The following SGCZ variants were observed in gnomAD, a reference collection of about 807,000 sequenced individuals.
The protein encoded by SGCZ is zeta-sarcoglycan.
Under a neutral mutation model 41.3 loss-of-function variants are expected in SGCZ, and 40 were observed. The ratio of observed to expected loss-of-function variants is 0.97; its 90% CI spans 0.75 to 1.26. The LOEUF is 1.26. Among genes scored for constraint, SGCZ ranks in the 50% most tolerant of loss-of-function variants. The probability of loss-of-function intolerance (pLI) is 0.00; values close to 1 mark genes in which losing one functional copy is unlikely to be tolerated. For synonymous variants in SGCZ, 206 were observed against 137.5 expected (o/e 1.50, Z -3.49); for missense variants, 552 against 369.8 (o/e 1.49, Z -4.04).
intron 2 of SGCZ, among the ~76,000 whole-genome samples, chr8:14,524,132 A>C (rs937964169): frequency 2.6e-5 from 4 of 151,982 alleles, no homozygotes; most frequent in Admixed American, 6.6e-5. Context: ...TTGAATATTC[A>C]TAACATGAGT....
chr8:14,466,295 C>T (rs1382085928), intron 2 of SGCZ, among the ~76,000 whole-genome samples: 1 of 151,910 alleles, frequency 6.6e-6, no homozygotes, highest in African/African-American at 2.4e-5. Context: ...TATATCTGCT[C>T]AATGCGTTGT....
intron 2 of SGCZ, among the ~76,000 whole-genome samples, chr8:14,341,974 G>A (rs1802726685): frequency 1.3e-5 from 2 of 152,154 alleles, no homozygotes; most frequent in African/African-American, 4.8e-5. Context: ...ATGTGGTGTT[G>A]TTGAAAAGAT....
At chr8:14,105,938 TAAAA>T (rs1802189379) in intron 6 of SGCZ, among the ~76,000 whole-genome samples, 5 of 152,160 alleles carry the variant, frequency 3.3e-5, no homozygotes, top group Admixed American at 2.0e-4. Flanking sequence ...TAAGTAAATT[TAAAA>T]ATACTTCTAT....
intron 1 of SGCZ, among the ~76,000 whole-genome samples, chr8:15,020,216 T>A (rs1267262593): frequency 1.3e-5 from 2 of 152,088 alleles, no homozygotes; most frequent in Admixed American, 1.3e-4. Flanking sequence ...TTCTTATAGA[T>A]CAGTCATCAG....
chr8:14,563,880 A>C (rs1329084132), intron 1 of SGCZ, among the ~76,000 whole-genome samples: 1 of 152,180 alleles, frequency 6.6e-6, no homozygotes, highest in East Asian at 1.9e-4. Flanking sequence ...AATTGATATA[A>C]TTTTTTAAAA....
intron 1 of SGCZ, among the ~76,000 whole-genome samples, chr8:14,666,676 A>G (rs1023762677): frequency 2.4e-5 from 3 of 122,750 alleles, no homozygotes; most frequent in Admixed American, 1.8e-4. Flanking sequence ...TCTTGTTGGT[A>G]GAATTTGCAA....
intron 2 of SGCZ, among the ~76,000 whole-genome samples, chr8:14,448,458 G>GGCTT (rs1800498125): frequency 6.6e-6 from 1 of 152,212 alleles, no homozygotes; most frequent in Admixed American, 6.5e-5. Flanking sequence ...TATGCATTTT[G>GGCTT]GCTTTGCAGA....
chr8:14,299,288 G>T (rs1044624741), intron 3 of SGCZ, among the ~76,000 whole-genome samples: 3 of 151,862 alleles, frequency 2.0e-5, no homozygotes, highest in Admixed American at 2.0e-4. Context: ...AACACAGAAA[G>T]CACTGTCTAT....
At chr8:14,105,324 CTA>C (rs1802170514) in intron 6 of SGCZ, among the ~76,000 whole-genome samples, 1 of 152,026 alleles carries the variant, frequency 6.6e-6, no homozygotes, top group Non-Finnish European at 1.5e-5. Context: ...TATTAATACT[CTA>C]TTAATAAACT....
chr8:14,164,749 C>A, intron 4 of SGCZ, 47 bp from the exon 5 acceptor site: 1 of 1,596,662 alleles, frequency 6.3e-7, no homozygotes, highest in Non-Finnish European at 8.5e-7. Context: ...ATGCAGGAAA[C>A]CATTAACATG....
At chr8:14,597,183 T>G (rs1445717652) in intron 1 of SGCZ, among the ~76,000 whole-genome samples, 4 of 152,206 alleles carry the variant, frequency 2.6e-5, no homozygotes, top group Non-Finnish European at 5.9e-5. Flanking sequence ...TGCCTTCTCC[T>G]AACAAAACCT....
chr8:14,444,604 T>A (rs776271787), intron 2 of SGCZ, among the ~76,000 whole-genome samples: 1 of 146,102 alleles, frequency 6.8e-6, no homozygotes, highest in Non-Finnish European at 1.5e-5. Flanking sequence ...CAGGTGGGAA[T>A]TGAAAAATGA....
At chr8:14,377,454 A>T (rs1284289731) in intron 2 of SGCZ, among the ~76,000 whole-genome samples, 1 of 152,076 alleles carries the variant, frequency 6.6e-6, no homozygotes, top group African/African-American at 2.4e-5. Context: ...TATTTTATAA[A>T]ATCCTGGAAC....
At chr8:15,080,269 A>G (rs1805691199) in intron 1 of SGCZ, among the ~76,000 whole-genome samples, 1 of 152,104 alleles carries the variant, frequency 6.6e-6, no homozygotes, top group Non-Finnish European at 1.5e-5. Context: ...AGAAGCTCCA[A>G]TACTGCTCAC....
chr8:15,114,731 A>G (rs1445065209), intron 1 of SGCZ, among the ~76,000 whole-genome samples: 1 of 151,742 alleles, frequency 6.6e-6, no homozygotes, highest in African/African-American at 2.4e-5. Flanking sequence ...CAATCCTGGA[A>G]TCGAGATACA....
At chr8:14,158,556 C>T (rs1001063382) in intron 5 of SGCZ, among the ~76,000 whole-genome samples, 4 of 152,088 alleles carry the variant, frequency 2.6e-5, no homozygotes, top group African/African-American at 9.7e-5. Flanking sequence ...TCCTTCAATC[C>T]AATCAAGTTG....
intron 4 of SGCZ, among the ~76,000 whole-genome samples, chr8:14,205,634 T>G (rs1037932151): frequency 1.3e-5 from 2 of 152,172 alleles, no homozygotes; most frequent in African/African-American, 4.8e-5. Flanking sequence ...TAATCCAATA[T>G]GCAAACCTTT....
chr8:15,215,267 A>C (rs865821994), intron 1 of SGCZ, among the ~76,000 whole-genome samples: 16 of 152,186 alleles, frequency 1.1e-4, no homozygotes, highest in African/African-American at 3.6e-4. Flanking sequence ...TGAATATTTC[A>C]CTTTATTAAA....
chr8:14,562,779 C>G (rs1287756770), intron 1 of SGCZ, among the ~76,000 whole-genome samples: 1 of 151,912 alleles, frequency 6.6e-6, no homozygotes, highest in Non-Finnish European at 1.5e-5. Context: ...AAACCCACGA[C>G]CAATACCAAC....
Sources: allele counts gnomAD v4.1 joint callset (sites outside exome capture counted in the v4.1 genomes callset), GRCh38; gene constraint gnomAD v4.1.1; transcripts MANE v1.5; gene names NCBI Gene and HGNC (gene_info 2026-07-23, HGNC 2026-07-21).